PTPRQ: variants seen among roughly 807,000 people sequenced by gnomAD.
PTPRQ encodes protein tyrosine phosphatase receptor type Q.
Under a neutral mutation model 246.0 loss-of-function variants are expected in PTPRQ, and 199 were observed. The ratio of observed to expected loss-of-function variants is 0.81; its 90% CI spans 0.72 to 0.91. The LOEUF (loss-of-function observed/expected upper bound fraction) is 0.91. Among genes scored for constraint, PTPRQ ranks in the 40% least tolerant of loss-of-function variants. PTPRQ has a pLI of 0.00. For missense variants in PTPRQ, 2,624 were observed against 2,528.4 expected, an observed-to-expected ratio of 1.04 and a Z score of -0.81; for synonymous variants, 869 against 853.2, an observed-to-expected ratio of 1.02 and a Z score of -0.32.
chr12:80,636,783 G>A (rs763929707), intron 35 of PTPRQ, among the ~76,000 whole-genome samples: 3 of 152,084 alleles, frequency 2.0e-5, no homozygotes, highest in Non-Finnish European at 4.4e-5. Context: ...ATGTAATAAC[G>A]TGAAAAAGCA....
chr12:80,611,832 G>A lies in PTPRQ; in HGVS notation c.4918+1207G>A, dbSNP rs1193467547. ...CATAAGAAAATATATTTATGACACA[G>A]CATAAAAACGTGTAGTAACAAATGC... On this transcript the variant is annotated intron_variant, in intron 28 of 44. Transcript: ENST00000644991. Among the ~76,000 whole-genome samples the A allele has an allele frequency of 2.7e-5, 4 of 150,494 alleles. No individual in the cohort carries two copies. In the East Asian group the frequency reaches 7.8e-4, roughly 29 times the overall value.
chr12:80,619,516 T>C lies in PTPRQ; in HGVS notation c.5363T>C (p.Val1788Ala), dbSNP rs1203940725. ...GATGATCATGGACCAATAAAAAATG[T>C]ACAAGTGCTTGTGACAGAAACAGGA... ...YSDDHGPIKN[V>A]QVLVTETGAQ... is the part of the protein sequence containing the mutation. The change falls in exon 31 of 45, where the codon GTA (valine) becomes GCA (alanine). Residue 1788 changes from valine (V) to alanine (A), a missense_variant. By Grantham distance (64) the Val-to-Ala change is moderately conservative. Transcript: ENST00000644991. 4 of 1,538,662 alleles carry C rather than the reference T, an allele frequency of 2.6e-6. 1 individual carries two copies. In the South Asian group the frequency reaches 4.9e-5, roughly 19 times the overall value.
intron 3 of PTPRQ, among the ~76,000 whole-genome samples, chr12:80,447,096 T>C (rs573471905): frequency 9.9e-5 from 15 of 152,220 alleles, no homozygotes; most frequent in African/African-American, 2.6e-4. Context: ...ATAGTAGCCA[T>C]TCTGATTGGT....
Position 80,634,973 on chromosome 12 carries a change from A to T in PTPRQ, c.5815A>T (p.Thr1939Ser), listed in dbSNP as rs1358595601. ...TCGACAGAAGCAGAAAGAAGGTGGC[A>T]CATACTCTCCTCAGGATGCAGAAAT... ...RIRQKQKEGG[T>S]YSPQDAEIID... The change falls in exon 35 of 45, where the codon ACA becomes TCA. Residue 1939 changes from threonine to serine, a missense_variant. Transcript: ENST00000644991. The T allele has an allele frequency of 8.4e-6, 13 of 1,550,968 alleles. No homozygotes were observed. The highest frequency in any genetic ancestry group is 1.0e-5 in the Non-Finnish European group (12 of 1,146,656).
chr12:80,544,588 T>C (rs1198263819), intron 23 of PTPRQ, among the ~76,000 whole-genome samples: 1 of 152,160 alleles, frequency 6.6e-6, no homozygotes, highest in East Asian at 1.9e-4. Flanking sequence ...CTATTTTCTC[T>C]TTCATCAATT....
At chr12:80,534,200 A>G (rs1336028469) in intron 18 of PTPRQ, 25 bp downstream of exon 18, 2 of 1,444,054 alleles carry the variant, frequency 1.4e-6, no homozygotes, top group Non-Finnish European at 1.8e-6. Context: ...TATGCCAATT[A>G]AAAGAATGTT....
In PTPRQ at chr12:80,621,593, TAACA is replaced by T. The variant is rs530649907; in HGVS notation, c.5613-463_5613-460del. 2.7e-3 allele frequency among the ~76,000 whole-genome samples: 416 copies of T among 152,160 alleles called. 1 individual carries two copies. Among genetic ancestry groups the T allele is most frequent in the Non-Finnish European group, 4.6e-3 (310 of 67,964 alleles). ...AAATGCAACTGTGCACACACAGAAA[TAACA>T]AACATTTTCTTAATGTGTTTATATG... On this transcript the variant is annotated intron_variant, in intron 32 of 44. Coordinates refer to ENST00000644991, the MANE Select transcript of PTPRQ (RefSeq NM_001145026.2).
chr12:80,493,583 T>C lies in PTPRQ; in HGVS notation c.1540+128T>C, dbSNP rs1186336836. On this transcript the variant is annotated intron_variant, in intron 10 of 44. Transcript: ENST00000644991. Reference sequence around the variant, plus strand: ...TTTGGGCTGGAGTCGGATTTTTTTTTAGCTGTCGGAAAACCTCATGCAACA... The same window carrying C: ...TTTGGGCTGGAGTCGGATTTTTTTTCAGCTGTCGGAAAACCTCATGCAACA... 5 of 1,323,588 alleles carry C rather than the reference T, an allele frequency of 3.8e-6. No homozygotes were observed. In the East Asian group the frequency reaches 1.1e-4, roughly 28 times the overall value. The allele number at this position is 1,323,588 out of a possible 1,614,324, so 82.0% of individuals were successfully genotyped here. A position where few individuals can be genotyped will look rare whatever the true frequency, so the allele number is the denominator to read the frequency against.
In PTPRQ at chr12:80,588,193, G is replaced by T; in HGVS notation, c.4350G>T (p.Trp1450Cys). 6.4e-7 allele frequency: 1 copy of T among 1,551,060 alleles called. No homozygotes were observed. Among genetic ancestry groups the T allele is most frequent in the South Asian group, 1.2e-5 (1 of 83,970 alleles). ...DVQSTSATLTWIRPDTILGYF... is the reference protein window; with the variant it reads ...DVQSTSATLTCIRPDTILGYF... Reference sequence around the variant, plus strand: ...AGTCAACTAGTGCAACATTGACATGGATAAGACCTGACACTATCCTTGGCT... The same window carrying T: ...AGTCAACTAGTGCAACATTGACATGTATAAGACCTGACACTATCCTTGGCT... The change falls in exon 26 of 45, where the codon TGG becomes TGT. Residue 1450 changes from tryptophan to cysteine, a missense_variant. Transcript: ENST00000644991.
chr12:80,603,358 C>A (rs12366553), intron 26 of PTPRQ, among the ~76,000 whole-genome samples: 1 of 151,610 alleles, frequency 6.6e-6, no homozygotes, highest in Non-Finnish European at 1.5e-5. Flanking sequence ...TAATTCTTTT[C>A]TCAAAAACCT....
At chr12:80,449,361 C>A (rs549144825) in intron 3 of PTPRQ, among the ~76,000 whole-genome samples, 38 of 152,244 alleles carry the variant, frequency 2.5e-4, no homozygotes, top group African/African-American at 8.7e-4. Context: ...TTTTGCTGTG[C>A]AGAAGCTCTT....
chr12:80,663,672 A>G (rs1900700476), intron 39 of PTPRQ, among the ~76,000 whole-genome samples: 2 of 151,934 alleles, frequency 1.3e-5, no homozygotes, highest in African/African-American at 4.8e-5. Flanking sequence ...CATATAAAAT[A>G]TTGACCCATA....
chr12:80,520,631 A>G (rs1439795984), intron 17 of PTPRQ, among the ~76,000 whole-genome samples: 1 of 150,966 alleles, frequency 6.6e-6, no homozygotes, highest in Non-Finnish European at 1.5e-5. Context: ...TGTCCTTGTG[A>G]TAGTTTGCTG....
At chr12:80,553,307 A>G (rs1404290522) in intron 25 of PTPRQ, among the ~76,000 whole-genome samples, 5 of 152,014 alleles carry the variant, frequency 3.3e-5, no homozygotes, top group African/African-American at 7.2e-5. Flanking sequence ...ATTGTTCTGC[A>G]TCTAGTAGGT....
intron 9 of PTPRQ, among the ~76,000 whole-genome samples, chr12:80,490,301 T>A (rs767207148): frequency 6.6e-6 from 1 of 152,012 alleles, no homozygotes; most frequent in Admixed American, 6.6e-5. Flanking sequence ...TTTCATTAAT[T>A]CAATTCAGCA....
intron 25 of PTPRQ, among the ~76,000 whole-genome samples, chr12:80,585,740 T>A (rs1029237595): frequency 2.0e-5 from 3 of 152,042 alleles, no homozygotes; most frequent in Admixed American, 6.6e-5. Flanking sequence ...TCTTTTTTTT[T>A]TTATTATTAT....
intron 42 of PTPRQ, among the ~76,000 whole-genome samples, chr12:80,671,918 C>T (rs1900983026): frequency 6.6e-6 from 1 of 152,026 alleles, no homozygotes; most frequent in African/African-American, 2.4e-5. Flanking sequence ...CCTGGTCTCC[C>T]CTGATTTTTG....
At chr12:80,627,666 G>A (rs1899257660) in intron 33 of PTPRQ, among the ~76,000 whole-genome samples, 1 of 152,064 alleles carries the variant, frequency 6.6e-6, no homozygotes, top group Non-Finnish European at 1.5e-5. Flanking sequence ...CCAAATTATA[G>A]TAGTACAATT....
intron 39 of PTPRQ, among the ~76,000 whole-genome samples, chr12:80,660,731 C>T (rs1169056952): frequency 6.6e-6 from 1 of 151,968 alleles, no homozygotes; most frequent in African/African-American, 2.4e-5. Flanking sequence ...AGATTTGTTC[C>T]TATGTTGACA....
Sources: gnomAD v4.1 joint callset for allele counts (sites outside exome capture counted in the v4.1 genomes callset) on GRCh38, gnomAD v4.1.1 for gene constraint, MANE v1.5 for transcripts, NCBI Gene and HGNC (gene_info 2026-07-23, HGNC 2026-07-21) for gene names.